ADAP1: variants seen among roughly 807,000 people sequenced by gnomAD.
ADAP1 encodes arf-GAP with dual PH domain-containing protein 1.
ADAP1 carries 31 observed loss-of-function variants against 54.9 expected under a neutral mutation model. The ratio of observed to expected loss-of-function variants is 0.56; its 90% CI spans 0.42 to 0.76. The LOEUF is 0.76. ADAP1 is among the 30% of genes least tolerant of loss of function. ADAP1 has a pLI of 0.00. For missense variants in ADAP1, 535 were observed against 512.4 expected, an observed-to-expected ratio of 1.04 and a Z score of -0.42; for synonymous variants, 313 against 202.6, an observed-to-expected ratio of 1.55 and a Z score of -4.63.
rs1460025101 is a variant in ADAP1, at chr7:945,957, C to A, written c.82+8439G>T. 2.9e-6 allele frequency: 1 copy of A among 349,080 alleles called. No individual in the cohort carries two copies. The highest frequency in any genetic ancestry group is 4.0e-6 in the Non-Finnish European group (1 of 248,222). 21.6% of individuals were successfully genotyped at this position (349,080 alleles called of 1,614,324 possible). A position where few individuals can be genotyped will look rare whatever the true frequency, so the allele number is the denominator to read the frequency against. On this transcript the variant is annotated intron_variant, in intron 1 of 10. Transcript: ENST00000265846. This position sits in a 1 kb window ranked among gnomAD's most constrained non-coding sequence, Gnocchi z 4.2. The stretch of plus-strand genomic sequence containing the variant: ...GTCCATGGGGCCCTGGTTCCAGAGA[C>A]CTTTGCCCTCCCAAGGCTGACGCAC...
chr7:919,616 GAC>G (rs1404206936), intron 4 of ADAP1, among the ~76,000 whole-genome samples: 1 of 138,182 alleles, frequency 7.2e-6, no homozygotes, highest in Non-Finnish European at 1.5e-5. Context: ...GAGAATGAGA[GAC>G]AGACATGAAG....
At chr7:919,644 CAG>C (rs1003936917) in intron 4 of ADAP1, among the ~76,000 whole-genome samples, 14 of 114,048 alleles carry the variant, frequency 1.2e-4, no homozygotes, top group South Asian at 3.2e-4. Flanking sequence ...GTAAGAGAAA[CAG>C]AGACACAGAG....
intron 4 of ADAP1, among the ~76,000 whole-genome samples, chr7:906,945 C>T (rs1420673789): frequency 6.6e-6 from 1 of 152,090 alleles, no homozygotes; most frequent in East Asian, 1.9e-4. Context: ...CCTTTACTGG[C>T]CCCCAGGGAC....
chr7:936,247 C>T (rs1490183066), intron 1 of ADAP1, among the ~76,000 whole-genome samples: 1 of 150,866 alleles, frequency 6.6e-6, no homozygotes, highest in Admixed American at 6.6e-5. Context: ...GTTGCCCAGG[C>T]TGGAGTATGA....
In ADAP1 at chr7:945,769, C is replaced by T; in HGVS notation, c.82+8627G>A. On this transcript the variant is annotated intron_variant, in intron 1 of 10. Transcript: ENST00000265846. The surrounding 1 kb of genome is among the most constrained non-coding windows in gnomAD (Gnocchi z 4.2). ...AGCCCCGCTCTGCCCTACCTGCTCC[C>T]AGGACGCCCGAGGTGACTCAGCCGC... is the stretch of plus-strand genomic sequence containing the variant. 1 of 985,800 alleles carries T rather than the reference C, an allele frequency of 1.0e-6. No homozygotes were observed. The highest frequency in any genetic ancestry group is 1.2e-6 in the Non-Finnish European group (1 of 830,100). 61.1% of individuals were successfully genotyped at this position (985,800 alleles called of 1,614,324 possible).
intron 4 of ADAP1, among the ~76,000 whole-genome samples, chr7:907,204 G>T (rs1291288523): frequency 2.0e-5 from 3 of 152,162 alleles, no homozygotes; most frequent in Admixed American, 6.5e-5. Flanking sequence ...AGTAGCCCGG[G>T]CATCCCCCTG....
rs1277550849 is a variant in ADAP1 at position 905,211 on chromosome 7, G to C, written c.389-39C>G. On this transcript the variant is annotated intron_variant, in intron 4 of 10. Transcript: ENST00000265846. Reference sequence around the variant, plus strand: ...GGGACACGAGTCGGTGACAGTGGATGGGGGGGAGGAAACAAAAGGAGTGAC... The same window carrying C: ...GGGACACGAGTCGGTGACAGTGGATCGGGGGGAGGAAACAAAAGGAGTGAC... 2.0e-6 allele frequency: 3 copies of C among 1,493,956 alleles called. No homozygotes were observed. The East Asian group carries it at 6.9e-5, about 34-fold the overall frequency. 92.5% of individuals were successfully genotyped at this position (1,493,956 alleles called of 1,614,324 possible).
chr7:935,844 G>C (rs899701828), intron 1 of ADAP1, among the ~76,000 whole-genome samples: 8 of 152,226 alleles, frequency 5.3e-5, no homozygotes, highest in Non-Finnish European at 1.2e-4. Context: ...CACTCGTGAG[G>C]ATGGGTCCAC....
In ADAP1 at chr7:946,246, GGCTCCCGCCGGCCGGTGGATCCCCGCCA is replaced by G. The variant is rs1847135666; in HGVS notation, c.82+8122_82+8149del. ...TACCCGTGGCCCCTGCAGGGATCCA[GGCTCCCGCCGGCCGGTGGATCCCCGCCA>G]GCGAGGCAGTGACCTCTGGAGCTCC... is the stretch of plus-strand genomic sequence containing the variant. On this transcript the variant is annotated intron_variant, in intron 1 of 10. Transcript: ENST00000265846. This position sits in a 1 kb window ranked among gnomAD's most constrained non-coding sequence, Gnocchi z 4.3. Among the ~76,000 whole-genome samples, 1 of 152,142 alleles carries G rather than the reference GGCTCCCGCCGGCCGGTGGATCCCCGCCA, an allele frequency of 6.6e-6. No individual in the cohort carries two copies. Among genetic ancestry groups the G allele is most frequent in the Non-Finnish European group, 1.5e-5 (1 of 68,014 alleles).
At chr7:943,143 T>G (rs1201619847) in intron 1 of ADAP1, among the ~76,000 whole-genome samples, 38 of 16,406 alleles carry the variant, frequency 2.3e-3, no homozygotes, top group Middle Eastern at 0.045. Context: ...GAAGAGAGAG[T>G]AGGAGGAAGA....
At chr7:944,444 G>T (rs937238328) in intron 1 of ADAP1, among the ~76,000 whole-genome samples, 2 of 151,310 alleles carry the variant, frequency 1.3e-5, no homozygotes, top group East Asian at 3.9e-4. Flanking sequence ...TAATAGAGAC[G>T]GGGTTCACCA....
At position 899,147 on chromosome 7, in the gene ADAP1, C is replaced by T. The variant is rs531784386; in HGVS notation, c.982G>A (p.Val328Ile). Residue 328 changes from valine to isoleucine, a missense_variant, in exon 10 of 11, where the codon GTC (valine) becomes ATC (isoleucine). Transcript: ENST00000265846. ...GHHWPHGITI[V>I]TPDRKFLFAC... The stretch of plus-strand genomic sequence containing the variant: ...AACAGAAACTTGCGGTCGGGCGTGA[C>T]GATGGTGATGCCATGTGGCCAGTGG... The T allele has an allele frequency of 1.1e-5, 17 of 1,611,024 alleles. No homozygotes were observed. The highest frequency in any genetic ancestry group is 6.7e-5 in the African/African-American group (5 of 75,050).
chr7:906,764 G>GTC (rs1845456760), intron 4 of ADAP1, among the ~76,000 whole-genome samples: 1 of 44,386 alleles, frequency 2.3e-5, no homozygotes, highest in African/African-American at 7.8e-5. Flanking sequence ...ATGGACAGGG[G>GTC]ACATGGGGGA....
chr7:922,156 C>T (rs1846213823), intron 3 of ADAP1, among the ~76,000 whole-genome samples: 1 of 152,196 alleles, frequency 6.6e-6, no homozygotes, highest in South Asian at 2.1e-4. Flanking sequence ...CGCACTGACA[C>T]CCCACGTGGT....
chr7:930,708 A>G (rs1846545610), intron 2 of ADAP1, among the ~76,000 whole-genome samples: 1 of 151,934 alleles, frequency 6.6e-6, no homozygotes, highest in East Asian at 1.9e-4. Context: ...GATCCCAGCT[A>G]CTCGGGAGGC....
chr7:909,007 A>C lies in ADAP1; in HGVS notation c.389-3835T>G, dbSNP rs549330345. ...CCCTGCCATGCCCGCCGCGCCCAGC[A>C]GGTGACAGCAGTGCTCCGGAAGCGC... On this transcript the variant is annotated intron_variant, in intron 4 of 10. Coordinates refer to ENST00000265846, the MANE Select transcript of ADAP1 (RefSeq NM_006869.4). Among the ~76,000 whole-genome samples the C allele has an allele frequency of 5.2e-3, 795 of 151,470 alleles. 9 individuals carry two copies. Among genetic ancestry groups the C allele is most frequent in the African/African-American group, 0.019 (770 of 41,158 alleles).
At chr7:915,527 G>T (rs1022069422) in intron 4 of ADAP1, among the ~76,000 whole-genome samples, 1 of 152,218 alleles carries the variant, frequency 6.6e-6, no homozygotes, top group African/African-American at 2.4e-5. Context: ...GCGAGCAAGC[G>T]TGTGCCTGAA....
In ADAP1 at chr7:945,238, C is replaced by T. The variant is rs923540168; in HGVS notation, c.82+9158G>A. On this transcript the variant is annotated intron_variant, in intron 1 of 10. Coordinates refer to ENST00000265846, the MANE Select transcript of ADAP1 (RefSeq NM_006869.4). The surrounding 1 kb of genome is among the most constrained non-coding windows in gnomAD (Gnocchi z 4.2). ...GGGCATGGCCAGGCCTGCCTGCATC[C>T]GCAAATGCCCGCAGCCCATCGGAGC... Among the ~76,000 whole-genome samples, 2 of 152,216 alleles carry T rather than the reference C, an allele frequency of 1.3e-5. No homozygotes were observed. Among genetic ancestry groups the T allele is most frequent in the Non-Finnish European group, 2.9e-5 (2 of 68,036 alleles).
In ADAP1 at chr7:906,797, A is replaced by ATGG. The variant is rs879621135; in HGVS notation, c.389-1626_389-1625insCCA. On this transcript the variant is annotated intron_variant, in intron 4 of 10. Coordinates refer to ENST00000265846, the MANE Select transcript of ADAP1 (RefSeq NM_006869.4). Reference sequence around the variant, plus strand: ...GGACAGGGGACACGGGGGACGGGACAGGGGACATGGGGGGACATGGGTCAG... The same window carrying ATGG: ...GGACAGGGGACACGGGGGACGGGACATGGGGGGACATGGGGGGACATGGGTCAG... Among the ~76,000 whole-genome samples, 10 of 37,348 alleles carry ATGG rather than the reference A, an allele frequency of 2.7e-4. 1 individual carries two copies. Among genetic ancestry groups the ATGG allele is most frequent in the African/African-American group, 7.9e-4 (6 of 7,630 alleles). The allele number at this position is 37,348 out of a possible 152,430, so 24.5% of individuals were successfully genotyped here.
Sources: gnomAD v4.1 joint callset for allele counts (sites outside exome capture counted in the v4.1 genomes callset) on GRCh38, gnomAD v4.1.1 for gene constraint, Gnocchi (gnomAD v3.1) non-coding constraint, MANE v1.5 for transcripts, NCBI Gene and HGNC (gene_info 2026-07-23, HGNC 2026-07-21) for gene names.